The following CCDC158 variants were observed in gnomAD, a reference collection of about 807,000 sequenced individuals.
The protein encoded by CCDC158 is coiled-coil domain-containing protein 158.
CCDC158 carries 116 observed loss-of-function variants against 138.6 expected under a neutral mutation model. The ratio of observed to expected loss-of-function variants is 0.84; its 90% CI spans 0.72 to 0.98. The LOEUF (loss-of-function observed/expected upper bound fraction) is 0.98. Ranked by LOEUF, CCDC158 falls within the 50% of genes least tolerant of loss-of-function variation. The pLI is 0.00. For synonymous variants in CCDC158, 436 were observed against 442.4 expected, an observed-to-expected ratio of 0.99 and a Z score of 0.18; for missense variants, 1,265 against 1,306.1, an observed-to-expected ratio of 0.97 and a Z score of 0.48.
Position 76,369,486 on chromosome 4 carries a change from C to G in CCDC158, c.1287G>C (p.Gln429His), listed in dbSNP as rs1210958537. ...AGGCCTTGAGCAGGGCTTCCAGGCG[C>G]TGCACCTCCATGTTCCGGTTGTCCA... Reference protein sequence around the residue: ...RELDNRNMEVQRLEALLKALK... With the variant: ...RELDNRNMEVHRLEALLKALK... Residue 429 changes from glutamine (Q) to histidine (H), a missense_variant, in exon 11 of 25, where the codon CAG becomes CAC. By Grantham distance (24) the Gln-to-His change is conservative. Coordinates refer to ENST00000682701, the MANE Select transcript of CCDC158 (RefSeq NM_001394954.1). 5.0e-6 allele frequency: 8 copies of G among 1,614,200 alleles called. No individual in the cohort carries two copies. In the South Asian group the frequency reaches 8.8e-5, roughly 18 times the overall value.
At chr4:76,372,713 T>C (rs1725356203) in intron 9 of CCDC158, among the ~76,000 whole-genome samples, 1 of 152,234 alleles carries the variant, frequency 6.6e-6, no homozygotes, top group South Asian at 2.1e-4. Context: ...CAACTATTAA[T>C]ATAAAATGGG....
At chr4:76,315,059 T>G (rs1719245972) in intron 24 of CCDC158, among the ~76,000 whole-genome samples, 1 of 152,164 alleles carries the variant, frequency 6.6e-6, no homozygotes, top group Non-Finnish European at 1.5e-5. Flanking sequence ...CACCCTGCAC[T>G]GGCTGCCTGG....
intron 24 of CCDC158, among the ~76,000 whole-genome samples, chr4:76,319,556 A>T (rs1578851699): frequency 7.0e-6 from 1 of 142,030 alleles, no homozygotes; most frequent in East Asian, 2.0e-4. Flanking sequence ...AATATTAGCT[A>T]ACTGAATCCA....
intron 4 of CCDC158, among the ~76,000 whole-genome samples, chr4:76,390,091 C>T (rs901755328): frequency 3.0e-4 from 46 of 152,176 alleles, no homozygotes; most frequent in African/African-American, 1.1e-3. Context: ...GGTGTGTAAA[C>T]TTCTCTTAAG....
At chr4:76,358,131 C>A (rs1723767162) in intron 13 of CCDC158, among the ~76,000 whole-genome samples, 1 of 152,180 alleles carries the variant, frequency 6.6e-6, no homozygotes, top group Non-Finnish European at 1.5e-5. Context: ...AACCAACTGC[C>A]TCACAGTGCC....
At chr4:76,328,865 T>C (rs368431211) in intron 22 of CCDC158, 35 bp downstream of exon 22, 103 of 1,562,976 alleles carry the variant, frequency 6.6e-5, no homozygotes, top group South Asian at 1.4e-4. Flanking sequence ...GGAGACATTG[T>C]AGGGCCTATT....
At chr4:76,370,602 T>C (rs961864226) in intron 10 of CCDC158, among the ~76,000 whole-genome samples, 2 of 152,290 alleles carry the variant, frequency 1.3e-5, no homozygotes, top group Middle Eastern at 3.4e-3. Context: ...GAGACTGCCA[T>C]GCTTCAGGCA....
At chr4:76,396,922 G>A (rs1387159493) in intron 3 of CCDC158, among the ~76,000 whole-genome samples, 4 of 152,176 alleles carry the variant, frequency 2.6e-5, no homozygotes, top group African/African-American at 9.7e-5. Context: ...AAGGTCTCAA[G>A]GGGAAAATAC....
At chr4:76,415,481 C>T (rs186969132) in intron 1 of CCDC158, among the ~76,000 whole-genome samples, 11 of 151,708 alleles carry the variant, frequency 7.3e-5, no homozygotes, top group African/African-American at 1.9e-4. Flanking sequence ...ATCCAGGTGC[C>T]GAGGCAAGAG....
intron 2 of CCDC158, among the ~76,000 whole-genome samples, chr4:76,403,859 C>G (rs953259280): frequency 2.0e-5 from 3 of 152,070 alleles, no homozygotes; most frequent in Admixed American, 6.6e-5. Context: ...AAAACAATTC[C>G]CGCAGCCCAC....
chr4:76,418,144 G>A (rs1043597441), intron 1 of CCDC158, among the ~76,000 whole-genome samples: 9 of 152,146 alleles, frequency 5.9e-5, no homozygotes, highest in Non-Finnish European at 1.3e-4. Context: ...ATCCTCCAGC[G>A]GCTGAGTAGA....
intron 15 of CCDC158, 31 bp downstream of exon 15, chr4:76,355,293 T>C (rs757288995): frequency 7.2e-7 from 1 of 1,384,016 alleles, no homozygotes; most frequent in Non-Finnish European, 1.0e-6. Context: ...GTGAACATGT[T>C]GGTTTCCCCA....
At chr4:76,323,474 GA>G in intron 23 of CCDC158, 65 bp from the exon 24 acceptor site, 1 of 1,246,946 alleles carries the variant, frequency 8.0e-7, no homozygotes, top group Admixed American at 2.4e-5. Context: ...AGAAATCTTT[GA>G]ATTAAAGGCT....
Position 76,345,730 on chromosome 4 carries a change from C to A in CCDC158, c.2664+5266G>T, listed in dbSNP as rs140186090. The stretch of plus-strand genomic sequence containing the variant: ...AATAAATATTTTGATTTCTACAAAT[C>A]TTAAAAAAGAGGACACAAACAAATG... On this transcript the variant is annotated intron_variant, in intron 18 of 24. Coordinates refer to ENST00000682701, the MANE Select transcript of CCDC158 (RefSeq NM_001394954.1). The A allele has an allele frequency of 7.2e-4, 401 of 559,298 alleles. 3 individuals are homozygous for A. The East Asian group carries it at 9.8e-3, about 14-fold the overall frequency. 34.6% of individuals were successfully genotyped at this position (559,298 alleles called of 1,614,324 possible). A position where few individuals can be genotyped will look rare whatever the true frequency, so the allele number is the denominator to read the frequency against.
chr4:76,407,335 AG>A (rs1185782767), intron 2 of CCDC158: 2 of 152,158 alleles, frequency 1.3e-5, no homozygotes, highest in Non-Finnish European at 2.9e-5. Flanking sequence ...AGTAGTAGGT[AG>A]GGAGATATTC....
rs367617862 is a variant in CCDC158 at position 76,362,126 on chromosome 4, C to T, written c.2020G>A (p.Glu674Lys). 1.9e-5 allele frequency: 30 copies of T among 1,612,460 alleles called. No homozygotes were observed. The highest frequency in any genetic ancestry group is 1.6e-4 in the Middle Eastern group (1 of 6,070). ...TSRSELNNLS[E>K]EYEVLKRNFR... ...TAGGATTTGTGCTGAAGCAACATAC[C>T]TGAAAGATTGTTTAATTCACTCCTA... Residue 674 changes from glutamate (E) to lysine (K), a missense_variant and splice_region_variant, in exon 13 of 25, where the codon GAG becomes AAG. By Grantham distance (56) the Glu-to-Lys change is moderately conservative. Coordinates refer to ENST00000682701, the MANE Select transcript of CCDC158 (RefSeq NM_001394954.1).
At chr4:76,376,919 G>C (rs1037814966) in intron 9 of CCDC158, among the ~76,000 whole-genome samples, 4 of 152,098 alleles carry the variant, frequency 2.6e-5, no homozygotes, top group South Asian at 2.1e-4. Context: ...CAAAATTCTT[G>C]CTCAGCCACT....
intron 9 of CCDC158, among the ~76,000 whole-genome samples, chr4:76,377,207 A>C (rs1725799470): frequency 6.6e-6 from 1 of 152,216 alleles, no homozygotes; most frequent in Admixed American, 6.5e-5. Flanking sequence ...GGCTTCTGAA[A>C]GGATAATTTT....
intron 1 of CCDC158, among the ~76,000 whole-genome samples, chr4:76,417,295 T>C (rs1302676850): frequency 2.6e-5 from 4 of 152,330 alleles, no homozygotes; most frequent in Admixed American, 2.6e-4. Context: ...AGGAAGTAAC[T>C]AGCTTGTTTT....
Sources: gnomAD v4.1 joint callset for allele counts (sites outside exome capture counted in the v4.1 genomes callset) on GRCh38, gnomAD v4.1.1 for gene constraint, MANE v1.5 for transcripts, NCBI Gene and HGNC (gene_info 2026-07-23, HGNC 2026-07-21) for gene names.